The following ZNF569 variants were observed in gnomAD, a reference collection of about 807,000 sequenced individuals.
The protein encoded by ZNF569 is zinc finger protein 569, also known as DNA-binding protein.
In ZNF569, 38 loss-of-function variants were observed where a neutral mutation model predicts 56.3. The ratio of observed to expected loss-of-function variants is 0.68; its 90% confidence interval spans 0.52 to 0.88. The LOEUF (loss-of-function observed/expected upper bound fraction) is 0.88. Among genes scored for constraint, ZNF569 ranks in the 40% least tolerant of loss-of-function variants. The probability of loss-of-function intolerance (pLI) is 0.00; values close to 1 mark genes in which losing one functional copy is unlikely to be tolerated. For synonymous variants in ZNF569, 241 were observed against 262.9 expected (o/e 0.92, Z 0.81); for missense variants, 666 against 809.2 (o/e 0.82, Z 2.15).
At chr19:37,432,870 A>G (rs1722261441) in intron 3 of ZNF569, among the ~76,000 whole-genome samples, 1 of 152,150 alleles carries the variant, frequency 6.6e-6, no homozygotes, top group South Asian at 2.1e-4. Flanking sequence ...CTGGAGCTGA[A>G]AAATGCAACG....
intron 2 of ZNF569, among the ~76,000 whole-genome samples, chr19:37,458,131 A>G (rs546615617): frequency 1.4e-4 from 22 of 152,308 alleles, no homozygotes; most frequent in African/African-American, 5.3e-4. Flanking sequence ...TTGGCCTCCC[A>G]AAGTGCTAGG....
rs753286759 is a variant in ZNF569, at chr19:37,413,684, G to C, written c.974C>G (p.Pro325Arg). ...TTTACCACATTCATTACATGCATAA[G>C]GTTTCTCCCCAGTATGAACTTTCTG... Reference protein sequence around the residue: ...AHQKVHTGEKPYACNECGKAF... With the variant: ...AHQKVHTGEKRYACNECGKAF... The change falls in exon 6 of 6, where the codon CCT becomes CGT. Residue 325 changes from proline to arginine, a missense_variant. Physicochemically the swap from Pro to Arg is moderately radical, Grantham distance 103. Coordinates refer to ENST00000316950, the MANE Select transcript of ZNF569 (RefSeq NM_152484.3). 1.2e-6 allele frequency: 2 copies of C among 1,613,944 alleles called. No individual in the cohort carries two copies. Among genetic ancestry groups the C allele is most frequent in the Non-Finnish European group, 8.5e-7 (1 of 1,179,932 alleles).
intron 3 of ZNF569, among the ~76,000 whole-genome samples, chr19:37,434,848 GCTC>G (rs1312578645): frequency 1.3e-5 from 2 of 152,208 alleles, no homozygotes; most frequent in African/African-American, 4.8e-5. Context: ...GCAAAACATT[GCTC>G]CTAACTCCAC....
At chr19:37,467,722 C>T, upstream of ZNF569, 1 of 669,230 alleles carries the variant, frequency 1.5e-6, no homozygotes, top group Non-Finnish European at 2.7e-6. Context: ...CGTAGTGTGA[C>T]TGTATGTGTG....
chr19:37,416,246 CAAACAAAA>C (rs1171577907), intron 5 of ZNF569, among the ~76,000 whole-genome samples: 103 of 130,230 alleles, frequency 7.9e-4, no homozygotes, highest in African/African-American at 1.5e-3. Flanking sequence ...ACAAAACAAA[CAAACAAAA>C]AAACAAAAAA....
At position 37,458,421 on chromosome 19, in the gene ZNF569, G is replaced by A. The variant is rs554855137; in HGVS notation, c.-44+6892C>T. Among the ~76,000 whole-genome samples, 8 of 152,228 alleles carry A rather than the reference G, an allele frequency of 5.3e-5. No individual in the cohort carries two copies. The South Asian group carries it at 8.3e-4, about 16-fold the overall frequency. ...CTCCTTAACAGTTACTGTATATTAC[G>A]TTTCCATGCCTAAAAACTATCTCTT... On this transcript the variant is annotated intron_variant, in intron 2 of 5. Coordinates refer to ENST00000316950, the MANE Select transcript of ZNF569 (RefSeq NM_152484.3).
rs1375823219 is a variant in ZNF569, at chr19:37,412,518, T to C, written c.*79A>G. The C allele has an allele frequency of 1.3e-5, 19 of 1,478,938 alleles. No individual in the cohort carries two copies. In the African/African-American group the frequency reaches 2.7e-4, roughly 21 times the overall value. 91.6% of individuals were successfully genotyped at this position (1,478,938 alleles called of 1,614,324 possible). The stretch of plus-strand genomic sequence containing the variant: ...ATCCCACATTCATAGTTTTCTACTC[T>C]GGAAGTGATCATGTAATGTGCAATG... On this transcript the variant is annotated 3_prime_UTR_variant, in exon 6 of 6. Transcript: ENST00000316950.
At chr19:37,451,217 T>C (rs2041586166) in intron 2 of ZNF569, among the ~76,000 whole-genome samples, 1 of 151,876 alleles carries the variant, frequency 6.6e-6, no homozygotes, top group African/African-American at 2.4e-5. Context: ...CTGGATAACA[T>C]GTTGAAACCC....
intron 3 of ZNF569, among the ~76,000 whole-genome samples, chr19:37,441,013 C>T (rs1245158642): frequency 6.6e-6 from 1 of 152,294 alleles, no homozygotes; most frequent in African/African-American, 2.4e-5. Flanking sequence ...GCTCCAAACA[C>T]GTTTAACCAG....
At chr19:37,421,153 T>C (rs1049370661) in intron 5 of ZNF569, among the ~76,000 whole-genome samples, 8 of 152,240 alleles carry the variant, frequency 5.3e-5, no homozygotes, top group Non-Finnish European at 1.2e-4. Flanking sequence ...ATTCCATTTA[T>C]AGAGCACGAG....
At chr19:37,436,404 A>G (rs2146918246) in intron 3 of ZNF569, among the ~76,000 whole-genome samples, 2 of 152,142 alleles carry the variant, frequency 1.3e-5, no homozygotes, top group African/African-American at 4.8e-5. Flanking sequence ...CTTCAAATAA[A>G]CAATTTAATG....
rs1169903023 is a variant in ZNF569, at chr19:37,426,329, C to T, written c.65G>A (p.Trp22Ter). 1.9e-6 allele frequency: 3 copies of T among 1,613,642 alleles called. No homozygotes were observed. Among genetic ancestry groups the T allele is most frequent in the Non-Finnish European group, 2.5e-6 (3 of 1,179,792 alleles). ...DVAIDFTQEE[W>*]KRLDPAQRKL... Reference sequence around the variant, plus strand: ...TCTCTGAGCAGGATCCAATCTCTTCCACTCCTCCTGAGTGAAGTCGATAGC... The same window carrying T: ...TCTCTGAGCAGGATCCAATCTCTTCTACTCCTCCTGAGTGAAGTCGATAGC... The change falls in exon 4 of 6, where the codon TGG (tryptophan) becomes TAG (stop). Residue 22 changes from tryptophan to a stop codon, truncating the protein, a stop_gained. Transcript: ENST00000316950. LOFTEE classifies it high-confidence loss of function.
At chr19:37,469,034 G>A (rs932763553), upstream of ZNF569, 9 of 989,622 alleles carry the variant, frequency 9.1e-6, no homozygotes, top group Admixed American at 6.0e-5. Flanking sequence ...GTTGCTAAGG[G>A]AGGCGCGCAG....
intron 5 of ZNF569, among the ~76,000 whole-genome samples, chr19:37,419,291 A>C (rs936510507): frequency 1.3e-5 from 2 of 152,218 alleles, no homozygotes; most frequent in Non-Finnish European, 2.9e-5. Flanking sequence ...CGAATATACA[A>C]AAAGATAATA....
chr19:37,451,178 T>A (rs956553097), intron 2 of ZNF569, among the ~76,000 whole-genome samples: 4 of 152,070 alleles, frequency 2.6e-5, no homozygotes, highest in African/African-American at 9.7e-5. Flanking sequence ...GGCAGGCAGA[T>A]CACCTGAGGT....
At chr19:37,450,119 TTTC>T (rs1250521197) in intron 2 of ZNF569, among the ~76,000 whole-genome samples, 6 of 152,226 alleles carry the variant, frequency 3.9e-5, no homozygotes, top group African/African-American at 1.4e-4. Flanking sequence ...GCCCTGCAGT[TTTC>T]TTGTGTCTCT....
intron 3 of ZNF569, among the ~76,000 whole-genome samples, chr19:37,433,294 C>G (rs1004571408): frequency 1.3e-5 from 2 of 152,074 alleles, no homozygotes; most frequent in South Asian, 4.2e-4. Context: ...TTTGAAAACA[C>G]ACAGTAAGAG....
intron 5 of ZNF569, among the ~76,000 whole-genome samples, chr19:37,423,746 T>TAAAA (rs2041076825): frequency 6.6e-6 from 1 of 152,110 alleles, no homozygotes. Flanking sequence ...AACTGTTTAT[T>TAAAA]AAAACAAAGA....
chr19:37,450,170 G>A (rs1407228691), intron 2 of ZNF569, among the ~76,000 whole-genome samples: 1 of 152,160 alleles, frequency 6.6e-6, no homozygotes, highest in Admixed American at 6.5e-5. Flanking sequence ...GGCCTCATGA[G>A]TCTGGAACTG....
Sources: gnomAD v4.1 joint callset for allele counts (sites outside exome capture counted in the v4.1 genomes callset) on GRCh38, gnomAD v4.1.1 for gene constraint, MANE v1.5 for transcripts, NCBI Gene and HGNC (gene_info 2026-07-23, HGNC 2026-07-21) for gene names.